Variants in LMF1 observed in about 807,000 individuals in gnomAD.
LMF1 encodes transmembrane protein 112.
Under a neutral mutation model 60.6 loss-of-function variants are expected in LMF1, and 68 were observed. The observed-to-expected ratio is 1.12, with a 90% CI of 0.92 to 1.37. The LOEUF (loss-of-function observed/expected upper bound fraction) is 1.37. Ranked by LOEUF, LMF1 falls within the 40% of genes most tolerant of loss-of-function variation. The probability of loss-of-function intolerance (pLI) is 0.00; values close to 1 mark genes in which losing one functional copy is unlikely to be tolerated. For synonymous variants in LMF1, 418 were observed against 324.7 expected (o/e 1.29, Z -3.09); for missense variants, 948 against 767.2 (o/e 1.24, Z -2.78).
chr16:911,691 G>A (rs2071126416), intron 3 of LMF1, among the ~76,000 whole-genome samples: 1 of 144,270 alleles, frequency 6.9e-6, no homozygotes, highest in Admixed American at 6.8e-5. Context: ...GAGCAGCACT[G>A]GGGGAGCAGC....
chr16:879,774 A>G (rs1180082884), intron 5 of LMF1, 37 bp from the exon 6 acceptor site: 5 of 1,544,370 alleles, frequency 3.2e-6, no homozygotes, highest in Non-Finnish European at 4.4e-6. Flanking sequence ...TGCCTGGCCG[A>G]TCTCGGGGGG....
chr16:869,187 T>TC (rs1196855150), intron 9 of LMF1, 131 bp from the exon 10 acceptor site: 11 of 717,646 alleles, frequency 1.5e-5, no homozygotes, highest in Admixed American at 7.8e-5. Flanking sequence ...GCAGCCGCAC[T>TC]CCAGCTCTTT....
rs1453753126 is a variant in LMF1, at chr16:868,797, G to C, written c.1529+147C>G. 17 of 461,316 alleles carry C rather than the reference G, an allele frequency of 3.7e-5. No individual in the cohort carries two copies. The East Asian group carries it at 5.8e-4, about 16-fold the overall frequency. The allele number at this position is 461,316 out of a possible 1,614,324, so 28.6% of individuals were successfully genotyped here. On this transcript the variant is annotated intron_variant, in intron 10 of 10. Coordinates refer to ENST00000262301, the MANE Select transcript of LMF1 (RefSeq NM_022773.4). Reference sequence around the variant, plus strand: ...GGGGCGGGGGGGGGGGGCCCTTTTTGCTCCCAGCAGGCCCCACCTCCTGCC... The same window carrying C: ...GGGGCGGGGGGGGGGGGCCCTTTTTCCTCCCAGCAGGCCCCACCTCCTGCC...
chr16:869,168 G>A lies in LMF1; in HGVS notation c.1417-112C>T, dbSNP rs554190667. ...CCTCCTGAGGCTTTCCTGGAGGTGGGTTCCCTGGGCAGCCGCACTCCAGCT... is the reference window on the plus strand; with the variant it reads ...CCTCCTGAGGCTTTCCTGGAGGTGGATTCCCTGGGCAGCCGCACTCCAGCT... On this transcript the variant is annotated intron_variant, in intron 9 of 10. Coordinates refer to ENST00000262301, the MANE Select transcript of LMF1 (RefSeq NM_022773.4). 56 of 783,820 alleles carry A rather than the reference G, an allele frequency of 7.1e-5. No homozygotes were observed. The African/African-American group carries it at 8.6e-4, about 12-fold the overall frequency. 48.6% of individuals were successfully genotyped at this position (783,820 alleles called of 1,614,324 possible). A position where few individuals can be genotyped will look rare whatever the true frequency, so the allele number is the denominator to read the frequency against.
intron 10 of LMF1, among the ~76,000 whole-genome samples, chr16:866,648 C>G (rs1474025675): frequency 2.0e-5 from 3 of 152,134 alleles, no homozygotes; most frequent in Non-Finnish European, 2.9e-5. Context: ...AGTCCAGGCT[C>G]CCTACTCCAT....
chr16:957,951 T>C (rs2072742345), intron 1 of LMF1, among the ~76,000 whole-genome samples: 1 of 152,138 alleles, frequency 6.6e-6, no homozygotes, highest in Non-Finnish European at 1.5e-5. Flanking sequence ...CAGAGCAGCC[T>C]GGGCAACATA....
At chr16:860,441 G>C (rs1175428625) in intron 10 of LMF1, among the ~76,000 whole-genome samples, 1 of 151,868 alleles carries the variant, frequency 6.6e-6, no homozygotes, top group Non-Finnish European at 1.5e-5. Flanking sequence ...CCAGGCTCAA[G>C]TGATCCTCCC....
chr16:864,927 T>G (rs1415250879), intron 10 of LMF1, among the ~76,000 whole-genome samples: 1 of 152,208 alleles, frequency 6.6e-6, no homozygotes, highest in Non-Finnish European at 1.5e-5. Flanking sequence ...TGGCCAATCT[T>G]TATCTCTTAA....
At chr16:888,860 C>T (rs1348234348) in intron 5 of LMF1, among the ~76,000 whole-genome samples, 2 of 152,308 alleles carry the variant, frequency 1.3e-5, no homozygotes, top group Non-Finnish European at 2.9e-5. Flanking sequence ...GCAGCAGGGC[C>T]AGCCAGTGTC....
intron 2 of LMF1, among the ~76,000 whole-genome samples, chr16:951,839 T>G (rs2072478964): frequency 6.6e-6 from 1 of 152,014 alleles, no homozygotes; most frequent in African/African-American, 2.4e-5. Context: ...GTCCAGACAC[T>G]CAACAAGCAC....
chr16:904,237 C>T (rs1430870796), intron 4 of LMF1, among the ~76,000 whole-genome samples: 2 of 81,048 alleles, frequency 2.5e-5, no homozygotes, highest in African/African-American at 7.0e-5. Context: ...GTCTCTGCTG[C>T]GTCGTGGTGA....
chr16:955,476 C>T (rs2072673814), intron 1 of LMF1, among the ~76,000 whole-genome samples: 1 of 150,196 alleles, frequency 6.7e-6, no homozygotes, highest in South Asian at 2.1e-4. Flanking sequence ...TGCATACACA[C>T]ACACACACAT....
chr16:953,957 CAA>C (rs1567311895), intron 2 of LMF1, among the ~76,000 whole-genome samples: 1,172 of 76,484 alleles, frequency 0.015, 362 homozygotes, highest in Middle Eastern at 0.023. Context: ...ACACCCACCC[CAA>C]ACCAGCCTCC....
rs1159210780 is a variant in LMF1 at position 879,000 on chromosome 16, G to A, written c.897+570C>T. Among the ~76,000 whole-genome samples, 3 of 152,154 alleles carry A rather than the reference G, an allele frequency of 2.0e-5. No individual in the cohort carries two copies. Among genetic ancestry groups the A allele is most frequent in the Admixed American group, 6.5e-5 (1 of 15,288 alleles). On this transcript the variant is annotated intron_variant, in intron 6 of 10. Transcript: ENST00000262301. This position sits in a 1 kb window ranked among gnomAD's most constrained non-coding sequence, Gnocchi z 5.2. ...CCCAGCCCCCCTGGAGGCAGCGTGG[G>A]GGTGCTCTGTCCTTCGAGGCGCCCT...
intron 5 of LMF1, among the ~76,000 whole-genome samples, chr16:889,179 T>C (rs573550512): frequency 1.3e-5 from 2 of 152,308 alleles, no homozygotes; most frequent in African/African-American, 4.8e-5. Flanking sequence ...ACAGGCTTGT[T>C]GTCAGGAGTT....
intron 3 of LMF1, among the ~76,000 whole-genome samples, chr16:914,259 G>A (rs1370399429): frequency 1.3e-5 from 2 of 152,090 alleles, no homozygotes; most frequent in East Asian, 3.9e-4. Flanking sequence ...CCACGTTGAA[G>A]GGGGACTGCA....
intron 1 of LMF1, chr16:968,566 C>G (rs1391275807): frequency 6.6e-6 from 1 of 152,184 alleles, no homozygotes; most frequent in Admixed American, 6.5e-5. Context: ...AGGATGACTG[C>G]CTGCTTGCCC....
At chr16:858,924 T>TGTGCAGTGGTGC (rs2069315676) in intron 10 of LMF1, among the ~76,000 whole-genome samples, 1 of 91,916 alleles carries the variant, frequency 1.1e-5, no homozygotes, top group African/African-American at 6.0e-5. Context: ...TGCAGTGGTG[T>TGTGCAGTGGTGC]CACGGGACGG....
intron 6 of LMF1, among the ~76,000 whole-genome samples, chr16:875,062 G>A (rs754696557): frequency 3.9e-5 from 6 of 152,288 alleles, no homozygotes; most frequent in Admixed American, 2.0e-4. Context: ...GCACAGCCAC[G>A]ACCCTGGTGC....
Sources: gnomAD v4.1 joint callset for allele counts (sites outside exome capture counted in the v4.1 genomes callset) on GRCh38, gnomAD v4.1.1 for gene constraint, Gnocchi (gnomAD v3.1) non-coding constraint, MANE v1.5 for transcripts, NCBI Gene and HGNC (gene_info 2026-07-23, HGNC 2026-07-21) for gene names.